TAF3: variants seen among roughly 807,000 people sequenced by gnomAD.
The protein encoded by TAF3 is transcription initiation factor TFIID subunit 3.
In TAF3, 7 loss-of-function variants were observed where a neutral mutation model predicts 80.6. That is an observed-to-expected ratio of 0.09 (90% CI 0.05 to 0.16). TAF3 has a LOEUF of 0.16. Among genes scored for constraint, TAF3 ranks in the 10% least tolerant of loss-of-function variants. The pLI, the probability that TAF3 is intolerant of heterozygous loss-of-function variation, is 1.00. For missense variants in TAF3, 921 were observed against 1,140.2 expected (o/e 0.81, Z 2.77); for synonymous variants, 444 against 446.1 (o/e 1.00, Z 0.06).
chr10:7,943,098 T>G (rs939554161), intron 2 of TAF3, among the ~76,000 whole-genome samples: 2 of 152,230 alleles, frequency 1.3e-5, no homozygotes, highest in Non-Finnish European at 2.9e-5. Flanking sequence ...GTTGTGATCC[T>G]GCTCAGATCA....
chr10:7,850,743 A>G (rs1837019688), intron 2 of TAF3, among the ~76,000 whole-genome samples: 1 of 152,116 alleles, frequency 6.6e-6, no homozygotes. Flanking sequence ...ACGATTTAAA[A>G]TATCAGCCTC....
chr10:8,005,877 T>C (rs1163837547), intron 4 of TAF3, among the ~76,000 whole-genome samples: 3 of 152,344 alleles, frequency 2.0e-5, no homozygotes, highest in Admixed American at 2.0e-4. Flanking sequence ...CATATACTTA[T>C]TAAGATCACA....
chr10:7,898,091 T>C (rs1432566201), intron 2 of TAF3, among the ~76,000 whole-genome samples: 1 of 152,256 alleles, frequency 6.6e-6, no homozygotes, highest in African/African-American at 2.4e-5. Flanking sequence ...CTTGATTTTA[T>C]CTATCAACCC....
chr10:8,008,180 T>G (rs1488611461), intron 4 of TAF3, among the ~76,000 whole-genome samples: 22 of 141,170 alleles, frequency 1.6e-4, no homozygotes, highest in Non-Finnish European at 3.3e-4. Context: ...CACTGTAACC[T>G]CTGCCTCCTG....
rs1312850133 is a variant in TAF3, at chr10:8,016,313, C to G, written c.*1562C>G. 2.0e-5 allele frequency: 3 copies of G among 151,976 alleles called. No individual in the cohort carries two copies. Among genetic ancestry groups the G allele is most frequent in the Non-Finnish European group, 4.4e-5 (3 of 68,026 alleles). 9.4% of individuals were successfully genotyped at this position (151,976 alleles called of 1,614,324 possible). ...AATTGATATTAGTGTATGAATTAGTCATATTTTAAAACATTATGTGGTTAG... is the reference window on the plus strand; with the variant it reads ...AATTGATATTAGTGTATGAATTAGTGATATTTTAAAACATTATGTGGTTAG... On this transcript the variant is annotated 3_prime_UTR_variant, in exon 7 of 7. Coordinates refer to ENST00000344293, the MANE Select transcript of TAF3 (RefSeq NM_031923.4).
At chr10:7,924,055 A>C (rs889639994) in intron 2 of TAF3, among the ~76,000 whole-genome samples, 3 of 152,178 alleles carry the variant, frequency 2.0e-5, no homozygotes, top group Admixed American at 1.3e-4. Context: ...CATTAAGATA[A>C]AATTCTCTTT....
rs184358480 is a variant in TAF3, at chr10:7,844,953, G to T, written c.409+20393G>T. Among the ~76,000 whole-genome samples, 801 of 151,964 alleles carry T rather than the reference G, an allele frequency of 5.3e-3. 13 individuals carry two copies. Among genetic ancestry groups the T allele is most frequent in the African/African-American group, 0.019 (777 of 41,432 alleles). ...TTGCAATGTTGCATCAAATATCTTTGCACATGTTTTTCTTTTATATTATTT... is the reference window on the plus strand; with the variant it reads ...TTGCAATGTTGCATCAAATATCTTTTCACATGTTTTTCTTTTATATTATTT... On this transcript the variant is annotated intron_variant, in intron 2 of 6. Transcript: ENST00000344293.
chr10:7,959,127 G>A (rs1211852560), intron 2 of TAF3, among the ~76,000 whole-genome samples: 3 of 119,198 alleles, frequency 2.5e-5, no homozygotes, highest in Admixed American at 1.0e-4. Flanking sequence ...GTGACAGAAC[G>A]AGATTCTGTC....
rs3039468 is a variant in TAF3 at position 7,881,490 on chromosome 10, A to AACAC, written c.409+56951_409+56954dup. On this transcript the variant is annotated intron_variant, in intron 2 of 6. Transcript: ENST00000344293. ...TCTCTCAGACACACACATACACACA[A>AACAC]ACACACACACACACACACACACACT... 6.6e-3 allele frequency among the ~76,000 whole-genome samples: 980 copies of AACAC among 148,790 alleles called. 12 individuals are homozygous for AACAC. The highest frequency in any genetic ancestry group is 0.019 in the African/African-American group (770 of 40,528).
At chr10:7,933,568 C>T (rs1837889058) in intron 2 of TAF3, among the ~76,000 whole-genome samples, 1 of 152,168 alleles carries the variant, frequency 6.6e-6, no homozygotes, top group South Asian at 2.1e-4. Flanking sequence ...CCTGTCTTTC[C>T]CTCCTCCCCA....
At chr10:7,915,410 C>T (rs1251650078) in intron 2 of TAF3, among the ~76,000 whole-genome samples, 6 of 142,960 alleles carry the variant, frequency 4.2e-5, no homozygotes, top group East Asian at 2.2e-4. Context: ...TTTGGGAGGC[C>T]GAGACGGGTG....
chr10:7,956,385 G>T (rs1838136300), intron 2 of TAF3, among the ~76,000 whole-genome samples: 1 of 152,134 alleles, frequency 6.6e-6, no homozygotes, highest in Admixed American at 6.5e-5. Context: ...TACTCGGGAG[G>T]CTGAGGCAGG....
At chr10:7,885,806 T>C (rs1837404024) in intron 2 of TAF3, among the ~76,000 whole-genome samples, 1 of 152,238 alleles carries the variant, frequency 6.6e-6, no homozygotes, top group Non-Finnish European at 1.5e-5. Context: ...AAATGGAGGC[T>C]CCTTGAGCTG....
At chr10:7,880,936 T>C (rs1423468513) in intron 2 of TAF3, among the ~76,000 whole-genome samples, 1 of 152,118 alleles carries the variant, frequency 6.6e-6, no homozygotes, top group East Asian at 1.9e-4. Flanking sequence ...TGATTCACAT[T>C]ACAAAAGGAT....
At position 7,977,260 on chromosome 10, in the gene TAF3, C is replaced by T. The variant is rs117503332; in HGVS notation, c.2252C>T (p.Ala751Val). Residue 751 changes from alanine to valine, a missense_variant, in exon 4 of 7, where the codon GCT (alanine) becomes GTT (valine). Around this residue, in one of 6 missense-constraint regions of TAF3, gnomAD observed 743 missense variants for 821.0 expected, o/e 0.90. Coordinates refer to ENST00000344293, the MANE Select transcript of TAF3 (RefSeq NM_031923.4). ...CCACAGATAAAAGTGGAACCAGTCG[C>T]TCTGGCCCCGAGTCCAGTTATCCCC... The part of the protein sequence containing the change: ...KHEKIKVEPV[A>V]LAPSPVIPRL... 1,698 of 1,614,186 alleles carry T rather than the reference C, an allele frequency of 1.1e-3. 22 individuals are homozygous for T. The East Asian group carries it at 0.028, about 26-fold the overall frequency.
Position 7,954,681 on chromosome 10 carries a change from T to C in TAF3, c.410-9239T>C, listed in dbSNP as rs191872970. Among the ~76,000 whole-genome samples the C allele has an allele frequency of 3.9e-3, 518 of 133,382 alleles. 27 individuals carry two copies. Among genetic ancestry groups the C allele is most frequent in the African/African-American group, 0.013 (462 of 36,426 alleles). 87.5% of individuals were successfully genotyped at this position (133,382 alleles called of 152,430 possible). The stretch of plus-strand genomic sequence containing the variant: ...CATATGTGAATGAGTGGATTAGTCC[T>C]AGTTAACACAGAGCTCTCCCTAGTG... On this transcript the variant is annotated intron_variant, in intron 2 of 6. Coordinates refer to ENST00000344293, the MANE Select transcript of TAF3 (RefSeq NM_031923.4).
At chr10:7,865,071 G>T (rs933964115) in intron 2 of TAF3, among the ~76,000 whole-genome samples, 10 of 152,136 alleles carry the variant, frequency 6.6e-5, no homozygotes, top group Admixed American at 2.6e-4. Context: ...ATGGGTTGAG[G>T]AGGGAGTCCT....
intron 2 of TAF3, among the ~76,000 whole-genome samples, chr10:7,834,958 T>A (rs1464727126): frequency 1.3e-5 from 2 of 152,238 alleles, no homozygotes; most frequent in Non-Finnish European, 2.9e-5. Flanking sequence ...TACTTTCATG[T>A]CTTTTAGATC....
intron 2 of TAF3, among the ~76,000 whole-genome samples, chr10:7,870,753 C>A (rs1182746839): frequency 6.6e-6 from 1 of 152,126 alleles, no homozygotes; most frequent in African/African-American, 2.4e-5. Flanking sequence ...TGCCTGCCCC[C>A]ACTTAACATT....
Sources: gnomAD v4.1 joint callset for allele counts (sites outside exome capture counted in the v4.1 genomes callset) on GRCh38, gnomAD v4.1.1 for gene constraint, gnomAD v4.1.1 regional missense constraint, MANE v1.5 for transcripts, NCBI Gene and HGNC (gene_info 2026-07-23, HGNC 2026-07-21) for gene names.